The following ZNF83 variants were observed in gnomAD, a reference collection of about 807,000 sequenced individuals.
The protein encoded by ZNF83 is zinc finger protein 816B.
For synonymous variants in ZNF83, 209 were observed against 213.0 expected, an observed-to-expected ratio of 0.98 and a Z score of 0.17; for missense variants, 552 against 629.9, an observed-to-expected ratio of 0.88 and a Z score of 1.32.
At chr19:52,620,270 C>CGTGTGTGTGTGTGTGTGTG (rs939014087) in intron 2 of ZNF83, among the ~76,000 whole-genome samples, 1 of 144,432 alleles carries the variant, frequency 6.9e-6, no homozygotes, top group African/African-American at 2.6e-5. Context: ...GTGTATATCT[C>CGTGTGTGTGTGTGTGTGTG]TGTGTGTGTG....
chr19:52,629,561 T>A (rs189109886), intron 2 of ZNF83, among the ~76,000 whole-genome samples: 2 of 152,154 alleles, frequency 1.3e-5, no homozygotes, highest in African/African-American at 4.8e-5. Context: ...CTTACAGTTT[T>A]GTTCCGTGAC....
At chr19:52,661,107 C>T (rs1284976585) in intron 1 of ZNF83, among the ~76,000 whole-genome samples, 1 of 151,986 alleles carries the variant, frequency 6.6e-6, no homozygotes, top group East Asian at 1.9e-4. Flanking sequence ...TTGAGATCTG[C>T]CCACCTCAGC....
At chr19:52,648,270 T>C (rs749723977) in intron 3 of ZNF83, among the ~76,000 whole-genome samples, 14 of 152,136 alleles carry the variant, frequency 9.2e-5, no homozygotes, top group Non-Finnish European at 1.8e-4. Flanking sequence ...TCTACTGCTC[T>C]ATGTCTGTCT....
chr19:52,646,923 G>T (rs1268974824), intron 3 of ZNF83, among the ~76,000 whole-genome samples: 2 of 152,168 alleles, frequency 1.3e-5, no homozygotes, highest in African/African-American at 2.4e-5. Context: ...TACATAACCT[G>T]TCACTGTATG....
At chr19:52,667,562 C>A (rs1811843412) in intron 1 of ZNF83, among the ~76,000 whole-genome samples, 1 of 152,004 alleles carries the variant, frequency 6.6e-6, no homozygotes, top group Non-Finnish European at 1.5e-5. Context: ...TGGATTTTTA[C>A]CTACATTGAA....
rs3960469 is a variant in ZNF83, at chr19:52,632,379, A to G, written c.-234+2687T>C. 3.3e-5 allele frequency among the ~76,000 whole-genome samples: 5 copies of G among 152,340 alleles called. No individual in the cohort carries two copies. In the South Asian group the frequency reaches 1.0e-3, roughly 32 times the overall value. Reference sequence around the variant, plus strand: ...CTTCTCAGAATTCAGGCCTGTCCTCAGAATGCTACAAGGTACAGCCCATTT... The same window carrying G: ...CTTCTCAGAATTCAGGCCTGTCCTCGGAATGCTACAAGGTACAGCCCATTT... On this transcript the variant is annotated intron_variant, in intron 2 of 2. Transcript: ENST00000301096.
chr19:52,627,653 CTAAA>C (rs1040746091), intron 2 of ZNF83, among the ~76,000 whole-genome samples: 16 of 152,002 alleles, frequency 1.1e-4, no homozygotes, highest in African/African-American at 2.9e-4. Context: ...TCAGTCTCAA[CTAAA>C]TAAATAAATA....
chr19:52,657,406 C>T (rs1370389557), intron 2 of ZNF83, among the ~76,000 whole-genome samples: 1 of 151,990 alleles, frequency 6.6e-6, no homozygotes, highest in East Asian at 1.9e-4. Flanking sequence ...GTCAGCAGTT[C>T]GGAGACCAGC....
chr19:52,646,996 T>C (rs1340745949), intron 3 of ZNF83, among the ~76,000 whole-genome samples: 1 of 152,194 alleles, frequency 6.6e-6, no homozygotes, highest in Non-Finnish European at 1.5e-5. Flanking sequence ...GTCTTTGTTC[T>C]GGGCTTAGCT....
At chr19:52,638,133 C>T (rs1019570602) in intron 1 of ZNF83, among the ~76,000 whole-genome samples, 179 bp downstream of exon 1, 4 of 152,202 alleles carry the variant, frequency 2.6e-5, no homozygotes, top group Non-Finnish European at 4.4e-5. Context: ...GACAGCCCAG[C>T]CTCAGGGCGA....
At chr19:52,615,687 A>G (rs2060280080) in intron 2 of ZNF83, among the ~76,000 whole-genome samples, 1 of 152,210 alleles carries the variant, frequency 6.6e-6, no homozygotes, top group Non-Finnish European at 1.5e-5. Flanking sequence ...CTTGGACTTC[A>G]CTGCTTACAG....
chr19:52,687,386 T>A (rs867505585), intron 1 of ZNF83, among the ~76,000 whole-genome samples: 5 of 36,620 alleles, frequency 1.4e-4, no homozygotes, highest in African/African-American at 1.0e-3. Flanking sequence ...ATAATTTATA[T>A]ATATATAATT....
At chr19:52,630,000 C>T (rs1014733592) in intron 2 of ZNF83, among the ~76,000 whole-genome samples, 2 of 152,156 alleles carry the variant, frequency 1.3e-5, no homozygotes, top group Non-Finnish European at 1.5e-5. Flanking sequence ...GCCTGAACCA[C>T]AGTGGCCAGG....
intron 1 of ZNF83, among the ~76,000 whole-genome samples, chr19:52,666,212 A>G (rs1380341612): frequency 6.6e-6 from 1 of 151,890 alleles, no homozygotes; most frequent in Non-Finnish European, 1.5e-5. Context: ...AGAGAGAGAA[A>G]GAGACAGAGA....
chr19:52,614,089 T>C, exon 3 of ZNF83: 1 of 1,612,732 alleles, frequency 6.2e-7, no homozygotes, highest in Non-Finnish European at 8.5e-7. Flanking sequence ...TGACATATTA[T>C]GGAAGACCTT....
chr19:52,669,100 G>C (rs1186246739), intron 1 of ZNF83, among the ~76,000 whole-genome samples: 1 of 152,196 alleles, frequency 6.6e-6, no homozygotes, highest in Non-Finnish European at 1.5e-5. Flanking sequence ...CAGATGCATA[G>C]TGGTATTATG....
chr19:52,659,338 C>T (rs1234405721), intron 2 of ZNF83, among the ~76,000 whole-genome samples: 2 of 151,966 alleles, frequency 1.3e-5, no homozygotes, highest in Non-Finnish European at 2.9e-5. Context: ...GTCATTGGTG[C>T]CCACTCGAGG....
At chr19:52,681,724 C>G (rs977778944) in intron 1 of ZNF83, among the ~76,000 whole-genome samples, 1 of 152,196 alleles carries the variant, frequency 6.6e-6, no homozygotes, top group East Asian at 1.9e-4. Context: ...AGCTTCAAAA[C>G]TAAACTGACA....
At chr19:52,629,167 G>C (rs981878748) in intron 2 of ZNF83, among the ~76,000 whole-genome samples, 74 of 152,078 alleles carry the variant, frequency 4.9e-4, no homozygotes, top group Non-Finnish European at 1.2e-4. Context: ...ATACAAACTC[G>C]ACAGTAGTTC....
Sources: allele counts gnomAD v4.1 joint callset (sites outside exome capture counted in the v4.1 genomes callset), GRCh38; gene constraint gnomAD v4.1.1; transcripts MANE v1.5; gene names NCBI Gene and HGNC (gene_info 2026-07-23, HGNC 2026-07-21).